The following SLC20A2 variants were observed in gnomAD, a reference collection of about 807,000 sequenced individuals.
SLC20A2 encodes sodium-dependent phosphate transporter 2.
In SLC20A2, 30 loss-of-function variants were observed where a neutral mutation model predicts 61.0. The observed-to-expected ratio is 0.49, with a 90% CI of 0.37 to 0.67. The LOEUF (loss-of-function observed/expected upper bound fraction) is 0.67. Among genes scored for constraint, SLC20A2 ranks in the 30% least tolerant of loss-of-function variants. The pLI, the probability that SLC20A2 is intolerant of heterozygous loss-of-function variation, is 0.00. For missense variants in SLC20A2, 626 were observed against 866.4 expected, an observed-to-expected ratio of 0.72 and a Z score of 3.48; for synonymous variants, 351 against 353.3, an observed-to-expected ratio of 0.99 and a Z score of 0.07.
intron 1 of SLC20A2, chr8:42,537,474 C>T (rs1048662457): frequency 1.3e-5 from 2 of 151,192 alleles, no homozygotes; most frequent in South Asian, 4.2e-4. Context: ...ATTACTACCA[C>T]TAGGGCTTCA....
chr8:42,449,580 G>A (rs1805489684), intron 5 of SLC20A2, among the ~76,000 whole-genome samples: 2 of 152,170 alleles, frequency 1.3e-5, no homozygotes, highest in Non-Finnish European at 2.9e-5. Flanking sequence ...TAAGGCTTTA[G>A]TCTATATCAG....
chr8:42,428,477 T>G (rs577417809), intron 10 of SLC20A2, among the ~76,000 whole-genome samples: 277 of 152,308 alleles, frequency 1.8e-3, no homozygotes, highest in African/African-American at 6.4e-3. Flanking sequence ...CAAACTCCAC[T>G]GTGGAAACAG....
chr8:42,541,773 G>GCCGCCCGCC (rs1221932391), intron 1 of SLC20A2: 3 of 149,798 alleles, frequency 2.0e-5, no homozygotes, highest in African/African-American at 7.3e-5. Flanking sequence ...CCCGCCCCGC[G>GCCGCCCGCC]CCGCCCGCCC....
At chr8:42,497,173 T>C (rs2131335538) in intron 1 of SLC20A2, among the ~76,000 whole-genome samples, 1 of 152,338 alleles carries the variant, frequency 6.6e-6, no homozygotes, top group Non-Finnish European at 1.5e-5. Context: ...GGAAGGGACT[T>C]TGAGAGGTCA....
At chr8:42,424,365 A>G (rs111469684) in intron 10 of SLC20A2, among the ~76,000 whole-genome samples, 33,464 of 151,842 alleles carry the variant, frequency 0.22, 7,576 homozygotes, top group African/African-American at 0.58. Flanking sequence ...GCCCAGGCTG[A>G]AGTGCAATGG....
rs1027726535 is a variant in SLC20A2 at position 42,437,785 on chromosome 8, T to G, written c.935-208A>C. ...CGCGACACCATGCCCAGCTAACTTTTTTGTATTTTTAGTAGAGATGGGGTT... is the reference window on the plus strand; with the variant it reads ...CGCGACACCATGCCCAGCTAACTTTGTTGTATTTTTAGTAGAGATGGGGTT... On this transcript the variant is annotated intron_variant, in intron 7 of 10. Transcript: ENST00000520262. The surrounding 1 kb of genome is among the most constrained non-coding windows in gnomAD (Gnocchi z 6.4). Among the ~76,000 whole-genome samples the G allele has an allele frequency of 1.3e-5, 2 of 151,774 alleles. No homozygotes were observed. Among genetic ancestry groups the G allele is most frequent in the African/African-American group, 4.8e-5 (2 of 41,314 alleles).
upstream of SLC20A2, among the ~76,000 whole-genome samples, chr8:42,505,267 C>T: frequency 6.6e-6 from 1 of 152,010 alleles, no homozygotes; most frequent in Middle Eastern, 3.2e-3. Flanking sequence ...CACCACCACA[C>T]CTGGCTAATT....
At position 42,446,747 on chromosome 8, in the gene SLC20A2, A is replaced by G. The variant is rs546322962; in HGVS notation, c.614-1985T>C. Among the ~76,000 whole-genome samples, 14 of 152,290 alleles carry G rather than the reference A, an allele frequency of 9.2e-5. No individual in the cohort carries two copies. The East Asian group carries it at 2.5e-3, about 27-fold the overall frequency. ...AGTGGTTTCCAATTTCTTTATGGAG[A>G]GATGGGAGACTGGAGTGGGAATTTC... is the stretch of plus-strand genomic sequence containing the variant. On this transcript the variant is annotated intron_variant, in intron 5 of 10. Coordinates refer to ENST00000520262, the MANE Select transcript of SLC20A2 (RefSeq NM_001257180.2).
At chr8:42,488,009 G>A (rs1233571434) in intron 1 of SLC20A2, among the ~76,000 whole-genome samples, 1 of 152,044 alleles carries the variant, frequency 6.6e-6, no homozygotes, top group Non-Finnish European at 1.5e-5. Context: ...TTGTCCTTTT[G>A]TGACTGGCTT....
intron 1 of SLC20A2, among the ~76,000 whole-genome samples, chr8:42,530,417 A>G (rs926399010): frequency 6.6e-6 from 1 of 152,216 alleles, no homozygotes; most frequent in East Asian, 1.9e-4. Context: ...ACAACTATAA[A>G]AAGACTTAGT....
chr8:42,532,562 T>C (rs1382562532), intron 1 of SLC20A2, among the ~76,000 whole-genome samples: 5 of 152,200 alleles, frequency 3.3e-5, no homozygotes, highest in Non-Finnish European at 7.3e-5. Context: ...TTAATAATAA[T>C]TGATTCATCC....
At chr8:42,427,333 G>A (rs1282348889) in intron 10 of SLC20A2, among the ~76,000 whole-genome samples, 2 of 152,258 alleles carry the variant, frequency 1.3e-5, no homozygotes, top group Non-Finnish European at 2.9e-5. Flanking sequence ...TGCTGATGGG[G>A]ACCTGAACGA....
chr8:42,448,980 T>C (rs1390975052), intron 5 of SLC20A2, among the ~76,000 whole-genome samples: 1 of 152,096 alleles, frequency 6.6e-6, no homozygotes, highest in Non-Finnish European at 1.5e-5. Context: ...TAAAAAACAA[T>C]TCAATACAAA....
In SLC20A2 at chr8:42,450,256, C is replaced by G. The variant is rs6984294; in HGVS notation, c.614-5494G>C. On this transcript the variant is annotated intron_variant, in intron 5 of 10. Coordinates refer to ENST00000520262, the MANE Select transcript of SLC20A2 (RefSeq NM_001257180.2). ...GTTCTTTTTTTTTTTGAGACTGAGTCTTACTGTATTGCCCAGGCTGGAGTA... is the reference window on the plus strand; with the variant it reads ...GTTCTTTTTTTTTTTGAGACTGAGTGTTACTGTATTGCCCAGGCTGGAGTA... 7.8e-3 allele frequency among the ~76,000 whole-genome samples: 1,162 copies of G among 149,070 alleles called. 10 individuals carry two copies. The highest frequency in any genetic ancestry group is 0.027 in the African/African-American group (1,084 of 40,528).
At chr8:42,464,052 G>C (rs1806919610) in intron 3 of SLC20A2, among the ~76,000 whole-genome samples, 1 of 138,852 alleles carries the variant, frequency 7.2e-6, no homozygotes, top group African/African-American at 2.6e-5. Context: ...AGAGAGGACA[G>C]TTGACAGAGT....
Position 42,478,033 on chromosome 8 carries a change from A to C in SLC20A2, c.-264-5379T>G, listed in dbSNP as rs554200863. On this transcript the variant is annotated intron_variant, in intron 1 of 10. Coordinates refer to ENST00000520262, the MANE Select transcript of SLC20A2 (RefSeq NM_001257180.2). ...CCCGAGTAGCTGGGACTACAGGTGC[A>C]CACCACCACACCCAGCTAATTTTTG... is the stretch of plus-strand genomic sequence containing the variant. Among the ~76,000 whole-genome samples, 35 of 151,130 alleles carry C rather than the reference A, an allele frequency of 2.3e-4. No homozygotes were observed. The East Asian group carries it at 6.1e-3, about 26-fold the overall frequency.
chr8:42,446,391 T>TGCACAACTTG, intron 5 of SLC20A2, among the ~76,000 whole-genome samples: 1 of 152,332 alleles, frequency 6.6e-6, no homozygotes, highest in South Asian at 2.1e-4. Flanking sequence ...CATTCATATG[T>TGCACAACTTG]GCACAACTTG....
At chr8:42,478,212 CT>C (rs35343530) in intron 1 of SLC20A2, among the ~76,000 whole-genome samples, 1,764 of 127,494 alleles carry the variant, frequency 0.014, 13 homozygotes, top group East Asian at 0.021. Context: ...TTTTCCTTTT[CT>C]TTTTTTTTTT....
At chr8:42,526,602 G>A (rs577486306) in intron 1 of SLC20A2, among the ~76,000 whole-genome samples, 25 of 151,806 alleles carry the variant, frequency 1.6e-4, no homozygotes, top group African/African-American at 5.6e-4. Flanking sequence ...GAACCCAGGA[G>A]GCAGAGGTTG....
Sources: gnomAD v4.1 joint callset for allele counts (sites outside exome capture counted in the v4.1 genomes callset) on GRCh38, gnomAD v4.1.1 for gene constraint, Gnocchi (gnomAD v3.1) non-coding constraint, MANE v1.5 for transcripts, NCBI Gene and HGNC (gene_info 2026-07-23, HGNC 2026-07-21) for gene names.